UBE2D4: variants seen among roughly 807,000 people sequenced by gnomAD.
The protein encoded by UBE2D4 is ubiquitin conjugating enzyme E2 D4.
In UBE2D4, 17 loss-of-function variants were observed where a neutral mutation model predicts 23.0. The ratio of observed to expected loss-of-function variants is 0.74; its 90% CI spans 0.51 to 1.11. The LOEUF (loss-of-function observed/expected upper bound fraction) is 1.11, where lower values mean the gene tolerates loss of function less well. Among genes scored for constraint, UBE2D4 ranks in the 50% least tolerant of loss-of-function variants. The pLI, the probability that UBE2D4 is intolerant of heterozygous loss-of-function variation, is 0.00. For missense variants in UBE2D4, 139 were observed against 181.8 expected (o/e 0.76, Z 1.35); for synonymous variants, 61 against 69.4 (o/e 0.88, Z 0.60).
chr7:43,952,474 C>T, intron 6 of UBE2D4, 176 bp from the exon 7 acceptor site: 1 of 616,372 alleles, frequency 1.6e-6, no homozygotes, highest in South Asian at 1.9e-5. Context: ...GGTTTACAGC[C>T]ATGTCTGATG....
At chr7:43,933,626 C>A (rs979418527) in intron 1 of UBE2D4, among the ~76,000 whole-genome samples, 1 of 152,076 alleles carries the variant, frequency 6.6e-6, no homozygotes, top group Admixed American at 6.6e-5. Flanking sequence ...TGTAATCAGT[C>A]CCAGCTACTC....
intron 1 of UBE2D4, among the ~76,000 whole-genome samples, chr7:43,934,731 T>TA (rs911775954): frequency 3.3e-5 from 5 of 151,526 alleles, no homozygotes; most frequent in Non-Finnish European, 7.4e-5. Context: ...TACATATAAC[T>TA]AAAAAAAATA....
intron 6 of UBE2D4, 108 bp from the exon 7 acceptor site, chr7:43,952,542 C>A: frequency 1.0e-6 from 1 of 995,782 alleles, no homozygotes; most frequent in Non-Finnish European, 1.6e-6. Flanking sequence ...AGATGTTTGA[C>A]AAGCAGCAGC....
At chr7:43,932,797 A>C (rs1214499143) in intron 1 of UBE2D4, among the ~76,000 whole-genome samples, 1 of 151,670 alleles carries the variant, frequency 6.6e-6, no homozygotes, top group African/African-American at 2.4e-5. Context: ...TGTCTCAAAA[A>C]AATAATAAAA....
At chr7:43,926,757 G>C (rs1479824874) in intron 1 of UBE2D4, among the ~76,000 whole-genome samples, 1 of 151,852 alleles carries the variant, frequency 6.6e-6, no homozygotes, top group African/African-American at 2.4e-5. Flanking sequence ...GCGGGGCGGG[G>C]CCGGGCCGTG....
At chr7:43,952,448 G>A in intron 6 of UBE2D4, 1 of 552,638 alleles carries the variant, frequency 1.8e-6, no homozygotes, top group Non-Finnish European at 3.3e-6. Context: ...ACACATGAGG[G>A]GTTCACCCAG....
chr7:43,933,172 ATATT>A (rs2095951113), intron 1 of UBE2D4, among the ~76,000 whole-genome samples: 1 of 151,054 alleles, frequency 6.6e-6, no homozygotes, highest in South Asian at 2.1e-4. Context: ...ATATATATAT[ATATT>A]CTACCTATTC....
rs141019976 is a variant in UBE2D4, at chr7:43,935,229, G to C, written c.25-3202G>C. Among the ~76,000 whole-genome samples, 601 of 152,326 alleles carry C rather than the reference G, an allele frequency of 3.9e-3. 7 individuals carry two copies. The Middle Eastern group carries it at 0.078, about 20-fold the overall frequency. ...ATAGATAATGAAGTTAAGGTTCAGA[G>C]AGGTTAAGTGACTTTCTCAGTTACC... is the stretch of plus-strand genomic sequence containing the variant. On this transcript the variant is annotated intron_variant, in intron 1 of 6. Transcript: ENST00000222402.
chr7:43,934,151 C>T (rs2095953206), intron 1 of UBE2D4, among the ~76,000 whole-genome samples: 1 of 151,996 alleles, frequency 6.6e-6, no homozygotes, highest in Non-Finnish European at 1.5e-5. Flanking sequence ...CCAAATTCTT[C>T]ATAGCCACAG....
At chr7:43,929,087 T>C (rs771336134) in intron 1 of UBE2D4, among the ~76,000 whole-genome samples, 1 of 151,012 alleles carries the variant, frequency 6.6e-6, no homozygotes, top group Non-Finnish European at 1.5e-5. Flanking sequence ...AGTCCAGGAG[T>C]TGGAGACCAA....
At chr7:43,942,656 T>C in intron 2 of UBE2D4, 170 bp from the exon 3 acceptor site, 1 of 815,328 alleles carries the variant, frequency 1.2e-6, no homozygotes. Flanking sequence ...CTGGGAGTCC[T>C]AGGCAGTTAT....
At chr7:43,946,794 A>AG (rs75847932) in intron 4 of UBE2D4, among the ~76,000 whole-genome samples, 16,641 of 151,668 alleles carry the variant, frequency 0.11, 1,072 homozygotes, top group Middle Eastern at 0.16. Context: ...AATTCTGAGA[A>AG]GGGGGGGTCT....
In UBE2D4 at chr7:43,942,972, G is replaced by T. The variant is rs1215935246; in HGVS notation, c.139G>T (p.Gly47Ter). ...CTTCCAGAATGACAGTCCTTACCAAGGAGGTGTTTTCTTCCTGACCATCCA... is the reference window on the plus strand; with the variant it reads ...CTTCCAGAATGACAGTCCTTACCAATGAGGTGTTTTCTTCCTGACCATCCA... ...IMGPNDSPYQ[G>*]GVFFLTIHFP... is the part of the protein sequence containing the mutation. Residue 47 changes from glycine to a stop codon, truncating the protein, a stop_gained, in exon 4 of 7, where the codon GGA (glycine) becomes TGA (stop). Coordinates refer to ENST00000222402, the MANE Select transcript of UBE2D4 (RefSeq NM_015983.4). LOFTEE classifies it high-confidence loss of function. The T allele has an allele frequency of 2.5e-6, 4 of 1,614,158 alleles. No homozygotes were observed. Among genetic ancestry groups the T allele is most frequent in the Non-Finnish European group, 3.4e-6 (4 of 1,180,024 alleles).
chr7:43,935,643 G>A (rs1174363572), intron 1 of UBE2D4, among the ~76,000 whole-genome samples: 1 of 152,190 alleles, frequency 6.6e-6, no homozygotes, highest in Admixed American at 6.5e-5. Flanking sequence ...TTTTGTGAGA[G>A]GGTTCAATGG....
chr7:43,948,541 T>C, intron 4 of UBE2D4, 91 bp from the exon 5 acceptor site: 1 of 826,056 alleles, frequency 1.2e-6, no homozygotes, highest in Non-Finnish European at 2.0e-6. Context: ...ACACTCCAGG[T>C]ACTGCCCAGC....
rs1003339074 is a variant in UBE2D4 at position 43,952,463 on chromosome 7, G to A, written c.399-187G>A. The stretch of plus-strand genomic sequence containing the variant: ...ACACATGAGGGGTTCACCCAGCTGG[G>A]GGTTTACAGCCATGTCTGATGTGCT... On this transcript the variant is annotated intron_variant, in intron 6 of 6. Coordinates refer to ENST00000222402, the MANE Select transcript of UBE2D4 (RefSeq NM_015983.4). The A allele has an allele frequency of 8.6e-6, 5 of 584,226 alleles. No homozygotes were observed. The Admixed American group carries it at 1.4e-4, about 16-fold the overall frequency. The allele number at this position is 584,226 out of a possible 1,614,324, so 36.2% of individuals were successfully genotyped here.
intron 4 of UBE2D4, among the ~76,000 whole-genome samples, chr7:43,947,778 C>T (rs2095991627): frequency 6.6e-6 from 1 of 152,214 alleles, no homozygotes; most frequent in African/African-American, 2.4e-5. Flanking sequence ...CACTGTCTTC[C>T]ACAATGGTTG....
At position 43,944,309 on chromosome 7, in the gene UBE2D4, C is replaced by T. The variant is rs2095980508; in HGVS notation, c.198+1278C>T. On this transcript the variant is annotated intron_variant, in intron 4 of 6. Coordinates refer to ENST00000222402, the MANE Select transcript of UBE2D4 (RefSeq NM_015983.4). This position sits in a 1 kb window ranked among gnomAD's most constrained non-coding sequence, Gnocchi z 4.0. ...CTGGCCTTAGGTGATCCACCCACCT[C>T]CGCCTCCCAAAGTGCTGGGATTCCA... 3 of 152,186 alleles carry T rather than the reference C, an allele frequency of 2.0e-5. No individual in the cohort carries two copies. Among genetic ancestry groups the T allele is most frequent in the Non-Finnish European group, 4.4e-5 (3 of 68,062 alleles). The allele number at this position is 152,186 out of a possible 1,614,324, so 9.4% of individuals were successfully genotyped here.
At chr7:43,935,777 G>T (rs80037555) in intron 1 of UBE2D4, among the ~76,000 whole-genome samples, 2 of 152,212 alleles carry the variant, frequency 1.3e-5, no homozygotes, top group African/African-American at 2.4e-5. Flanking sequence ...CGTGGTACTT[G>T]ATGCTCTCCC....
Sources: gnomAD v4.1 joint callset for allele counts (sites outside exome capture counted in the v4.1 genomes callset) on GRCh38, gnomAD v4.1.1 for gene constraint, Gnocchi (gnomAD v3.1) non-coding constraint, MANE v1.5 for transcripts, NCBI Gene and HGNC (gene_info 2026-07-23, HGNC 2026-07-21) for gene names.